LIPI: variants seen among roughly 807,000 people sequenced by gnomAD.
LIPI encodes the protein lipase member I.
A neutral mutation model predicts 50.6 loss-of-function variants in LIPI; 59 were observed. The ratio of observed to expected loss-of-function variants is 1.16; its 90% CI spans 0.94 to 1.45. The LOEUF (loss-of-function observed/expected upper bound fraction) is 1.45. LIPI is among the 40% of genes most tolerant of loss of function. The pLI is 0.00. For synonymous variants in LIPI, 203 were observed against 178.2 expected (o/e 1.14, Z -1.11); for missense variants, 586 against 536.3 (o/e 1.09, Z -0.92).
intron 7 of LIPI, among the ~76,000 whole-genome samples, chr21:14,162,300 T>G (rs967928366): frequency 2.6e-5 from 4 of 151,460 alleles, no homozygotes; most frequent in Admixed American, 6.6e-5. Flanking sequence ...AATGTGTGAA[T>G]GGATACCGGG....
chr21:14,168,187 A>G (rs2018761498), intron 4 of LIPI, among the ~76,000 whole-genome samples: 1 of 152,224 alleles, frequency 6.6e-6, no homozygotes, highest in African/African-American at 2.4e-5. Flanking sequence ...AGAAATGAAC[A>G]AAGCCTCCAA....
intron 7 of LIPI, among the ~76,000 whole-genome samples, chr21:14,161,577 AT>A (rs1479317694): frequency 8.3e-6 from 1 of 120,424 alleles, no homozygotes; most frequent in African/African-American, 3.3e-5. Flanking sequence ...TATTATATAT[AT>A]AATATATATC....
chr21:14,162,072 T>C lies in LIPI; in HGVS notation c.1006+1347A>G, dbSNP rs1600879840. Among the ~76,000 whole-genome samples, 6 of 149,338 alleles carry C rather than the reference T, an allele frequency of 4.0e-5. No individual in the cohort carries two copies. The Admixed American group carries it at 4.1e-4, about 10-fold the overall frequency. On this transcript the variant is annotated intron_variant, in intron 7 of 9. Transcript: ENST00000681601. ...ACATATCTCTACCCCTATTGATAGATAGATAGATAGATCAATATGTATTGA... is the reference window on the plus strand; with the variant it reads ...ACATATCTCTACCCCTATTGATAGACAGATAGATAGATCAATATGTATTGA...
intron 9 of LIPI, among the ~76,000 whole-genome samples, chr21:14,123,200 G>T (rs902672736): frequency 2.6e-5 from 4 of 152,296 alleles, no homozygotes; most frequent in South Asian, 4.1e-4. Flanking sequence ...GATAGGAAAA[G>T]ACTTTCAGAC....
At chr21:14,206,796 T>A in intron 1 of LIPI, 1 of 1,394,930 alleles carries the variant, frequency 7.2e-7, no homozygotes, top group Non-Finnish European at 1.0e-6. Context: ...ATGAAGAAAG[T>A]GAAGTTAAAA....
chr21:14,166,055 A>G (rs568981238), intron 5 of LIPI, among the ~76,000 whole-genome samples: 2 of 152,334 alleles, frequency 1.3e-5, no homozygotes, highest in African/African-American at 4.8e-5. Flanking sequence ...AAGTTGTATT[A>G]TATGATACTT....
At chr21:14,193,956 C>G (rs1215012252) in intron 1 of LIPI, among the ~76,000 whole-genome samples, 1 of 151,988 alleles carries the variant, frequency 6.6e-6, no homozygotes, top group Non-Finnish European at 1.5e-5. Flanking sequence ...AAAACACAAA[C>G]AACCCAATTA....
chr21:14,209,005 C>T (rs1217761198), intron 1 of LIPI, among the ~76,000 whole-genome samples: 1 of 152,136 alleles, frequency 6.6e-6, no homozygotes, highest in Non-Finnish European at 1.5e-5. Context: ...GAGCCATGAA[C>T]TTCACACTGT....
intron 9 of LIPI, among the ~76,000 whole-genome samples, chr21:14,122,862 G>C (rs2016915833): frequency 6.6e-6 from 1 of 152,208 alleles, no homozygotes; most frequent in Non-Finnish European, 1.5e-5. Context: ...GACTCAATGA[G>C]CTAAAGTTCA....
At chr21:14,142,646 C>A (rs1030992635) in intron 9 of LIPI, among the ~76,000 whole-genome samples, 1 of 151,216 alleles carries the variant, frequency 6.6e-6, no homozygotes, top group Admixed American at 6.6e-5. Flanking sequence ...TCATGCATGG[C>A]TAATTTTTTA....
intron 9 of LIPI, among the ~76,000 whole-genome samples, chr21:14,112,088 G>C (rs377197214): frequency 2.0e-5 from 3 of 152,030 alleles, no homozygotes; most frequent in African/African-American, 7.2e-5. Context: ...TTATTGAAGA[G>C]ACTGTCCTTT....
intron 1 of LIPI, among the ~76,000 whole-genome samples, chr21:14,204,974 C>T (rs552421002): frequency 2.6e-5 from 4 of 151,214 alleles, no homozygotes; most frequent in Non-Finnish European, 5.9e-5. Flanking sequence ...AAATGAACTA[C>T]GGAAGTGTTT....
chr21:14,143,214 C>G (rs187249764), intron 9 of LIPI, among the ~76,000 whole-genome samples: 2 of 152,062 alleles, frequency 1.3e-5, no homozygotes, highest in East Asian at 3.9e-4. Flanking sequence ...GAAAATCTTA[C>G]AGCTCTAGTC....
chr21:14,200,640 T>C (rs2020021130), intron 1 of LIPI, among the ~76,000 whole-genome samples: 1 of 151,992 alleles, frequency 6.6e-6, no homozygotes, highest in South Asian at 2.1e-4. Flanking sequence ...AAACATACCA[T>C]GCTCATGGAT....
At chr21:14,147,526 T>G (rs1224644643) in intron 8 of LIPI, among the ~76,000 whole-genome samples, 1 of 152,180 alleles carries the variant, frequency 6.6e-6, no homozygotes, top group Non-Finnish European at 1.5e-5. Flanking sequence ...TTTATTTTTA[T>G]TATTAATTTA....
intron 7 of LIPI, among the ~76,000 whole-genome samples, chr21:14,157,192 C>T (rs925494935): frequency 2.6e-5 from 4 of 151,834 alleles, no homozygotes; most frequent in Non-Finnish European, 5.9e-5. Context: ...TAAAAAGAAT[C>T]CTGACTTGCT....
Position 14,165,535 on chromosome 21 carries a change from C to T in LIPI, c.734-145G>A, listed in dbSNP as rs541783556. On this transcript the variant is annotated intron_variant, in intron 5 of 9. Coordinates refer to ENST00000681601, the MANE Select transcript of LIPI (RefSeq NM_001302998.2). ...CTATAATACACAGTTTTATGTCAAACCACTAAACAAATAGTACCAATGAAA... is the reference window on the plus strand; with the variant it reads ...CTATAATACACAGTTTTATGTCAAATCACTAAACAAATAGTACCAATGAAA... The T allele has an allele frequency of 4.9e-5, 30 of 615,398 alleles. No homozygotes were observed. The South Asian group carries it at 5.8e-4, about 12-fold the overall frequency. The allele number at this position is 615,398 out of a possible 1,614,324, so 38.1% of individuals were successfully genotyped here.
chr21:14,139,817 C>G (rs1247152183), intron 9 of LIPI, among the ~76,000 whole-genome samples: 1 of 152,092 alleles, frequency 6.6e-6, no homozygotes, highest in Non-Finnish European at 1.5e-5. Flanking sequence ...GAAGAAATTT[C>G]TAGGCAGAGG....
At chr21:14,204,020 A>G (rs2020153100) in intron 1 of LIPI, among the ~76,000 whole-genome samples, 1 of 151,764 alleles carries the variant, frequency 6.6e-6, no homozygotes, top group East Asian at 2.0e-4. Context: ...CTCACTTCTA[A>G]GTGGGAGCTA....
Sources: gnomAD v4.1 joint callset for allele counts (sites outside exome capture counted in the v4.1 genomes callset) on GRCh38, gnomAD v4.1.1 for gene constraint, MANE v1.5 for transcripts, NCBI Gene and HGNC (gene_info 2026-07-23, HGNC 2026-07-21) for gene names.